Variants in SCAI observed in about 807,000 individuals in gnomAD.
The protein encoded by SCAI is suppressor of cancer cell invasion, also known as protein SCAI.
Under a neutral mutation model 92.2 loss-of-function variants are expected in SCAI, and 24 were observed. That is an observed-to-expected ratio of 0.26 (90% confidence interval 0.19 to 0.37). The LOEUF (loss-of-function observed/expected upper bound fraction) is 0.37. Among genes scored for constraint, SCAI ranks in the 10% least tolerant of loss-of-function variants. The probability of loss-of-function intolerance (pLI) is 1.00; values close to 1 mark genes in which losing one functional copy is unlikely to be tolerated. For missense variants in SCAI, 450 were observed against 736.2 expected (o/e 0.61, Z 4.50); for synonymous variants, 261 against 258.6 (o/e 1.01, Z -0.09).
intron 3 of SCAI, among the ~76,000 whole-genome samples, chr9:125,042,724 G>A (rs964825746): frequency 1.6e-4 from 24 of 150,448 alleles, no homozygotes; most frequent in Non-Finnish European, 3.1e-4. Context: ...CCAGTAAGCT[G>A]TAGAGCTATG....
chr9:125,126,141 C>A (rs971461814), intron 2 of SCAI, among the ~76,000 whole-genome samples: 8 of 152,196 alleles, frequency 5.3e-5, no homozygotes, highest in African/African-American at 9.6e-5. Flanking sequence ...TATAGTCATC[C>A]TCAAGGCTCA....
intron 2 of SCAI, among the ~76,000 whole-genome samples, chr9:125,136,857 T>C (rs1303429351): frequency 1.3e-5 from 2 of 151,030 alleles, no homozygotes; most frequent in Non-Finnish European, 1.5e-5. Context: ...TTCTCCCAGG[T>C]TCAAGTGATT....
intron 2 of SCAI, among the ~76,000 whole-genome samples, chr9:125,104,306 C>T (rs1274475310): frequency 1.3e-5 from 2 of 152,146 alleles, no homozygotes; most frequent in East Asian, 1.9e-4. Context: ...AAGATGCATA[C>T]ATGTTTCACG....
chr9:125,016,185 T>A (rs1832755202), intron 9 of SCAI, among the ~76,000 whole-genome samples: 1 of 146,588 alleles, frequency 6.8e-6, no homozygotes, highest in Non-Finnish European at 1.5e-5. Flanking sequence ...TATAATAAAA[T>A]AAAATAAAAT....
At chr9:125,106,494 A>C (rs1834803532) in intron 2 of SCAI, among the ~76,000 whole-genome samples, 1 of 152,062 alleles carries the variant, frequency 6.6e-6, no homozygotes, top group Non-Finnish European at 1.5e-5. Flanking sequence ...CTTTATAGAA[A>C]GAGACCTTCA....
intron 3 of SCAI, among the ~76,000 whole-genome samples, chr9:125,046,703 TTAA>T (rs1833451477): frequency 8.0e-6 from 1 of 124,558 alleles, no homozygotes. Flanking sequence ...CTACTGAAAT[TTAA>T]AAAAAAAAAA....
chr9:125,003,600 T>C (rs1470146434), intron 9 of SCAI, 30 bp from the exon 10 acceptor site: 4 of 1,373,866 alleles, frequency 2.9e-6, no homozygotes, highest in Non-Finnish European at 4.1e-6. Context: ...AAACACAACC[T>C]AGCCTTAATG....
At chr9:124,978,387 G>A (rs895862720) in intron 14 of SCAI, among the ~76,000 whole-genome samples, 9 of 152,206 alleles carry the variant, frequency 5.9e-5, no homozygotes, top group Non-Finnish European at 7.3e-5. Flanking sequence ...GCTGCAGGGA[G>A]CCAAGATCGC....
intron 6 of SCAI, among the ~76,000 whole-genome samples, chr9:125,025,103 G>A (rs940315432): frequency 6.6e-6 from 1 of 152,162 alleles, no homozygotes; most frequent in South Asian, 2.1e-4. Context: ...AGCAGCTGTT[G>A]CTGATTGCAA....
At chr9:125,029,978 T>C (rs1305733840) in intron 3 of SCAI, among the ~76,000 whole-genome samples, 1 of 152,214 alleles carries the variant, frequency 6.6e-6, no homozygotes, top group Non-Finnish European at 1.5e-5. Flanking sequence ...CAGATGCTTC[T>C]CCCATGAGGT....
At chr9:124,983,078 G>C (rs1285571473) in intron 14 of SCAI, among the ~76,000 whole-genome samples, 3 of 151,504 alleles carry the variant, frequency 2.0e-5, no homozygotes, top group African/African-American at 7.3e-5. Context: ...CTTGAGCCCA[G>C]GAGTATGAGG....
chr9:124,975,527 A>G lies in SCAI; in HGVS notation c.1399+587T>C, dbSNP rs548809055. 4.2e-5 allele frequency: 11 copies of G among 259,896 alleles called. No homozygotes were observed. In the East Asian group the frequency reaches 1.2e-3, roughly 29 times the overall value. 16.1% of individuals were successfully genotyped at this position (259,896 alleles called of 1,614,324 possible). On this transcript the variant is annotated intron_variant, in intron 15 of 17. Transcript: ENST00000336505. ...GTCACTAATTAAAGACAAATTATTA[A>G]GGACAAAAAGTCTTTTGATTCTCAG...
At chr9:125,030,174 A>G (rs970158152) in intron 3 of SCAI, among the ~76,000 whole-genome samples, 3 of 152,168 alleles carry the variant, frequency 2.0e-5, no homozygotes, top group Admixed American at 6.6e-5. Context: ...TCCTCTCCCT[A>G]TAAGATAAAT....
At chr9:125,051,089 C>T (rs1833552023) in intron 3 of SCAI, among the ~76,000 whole-genome samples, 1 of 152,114 alleles carries the variant, frequency 6.6e-6, no homozygotes, top group Admixed American at 6.5e-5. Context: ...GTGGTGTGAT[C>T]GCAGCTCACT....
intron 14 of SCAI, among the ~76,000 whole-genome samples, chr9:124,986,548 C>T (rs949122046): frequency 6.6e-6 from 1 of 152,098 alleles, no homozygotes; most frequent in Non-Finnish European, 1.5e-5. Flanking sequence ...GTGTGAATGT[C>T]TAATACACAT....
intron 6 of SCAI, 69 bp downstream of exon 6, chr9:125,026,743 C>T (rs1172506508): frequency 1.2e-6 from 1 of 822,530 alleles, no homozygotes; most frequent in Non-Finnish European, 1.9e-6. Flanking sequence ...TGCTTTTCCA[C>T]ACAATTTCTA....
chr9:125,115,477 C>T (rs1835026288), intron 2 of SCAI, among the ~76,000 whole-genome samples: 1 of 151,820 alleles, frequency 6.6e-6, no homozygotes, highest in Admixed American at 6.6e-5. Context: ...AACCAACTGC[C>T]CACAGATAGA....
chr9:125,010,577 C>T (rs1198867478), intron 9 of SCAI, among the ~76,000 whole-genome samples: 1 of 152,202 alleles, frequency 6.6e-6, no homozygotes, highest in Admixed American at 6.5e-5. Context: ...ACCTGCCTGC[C>T]TCTGTAGGCT....
chr9:125,043,098 C>T (rs1402642239), intron 3 of SCAI, among the ~76,000 whole-genome samples: 3 of 151,926 alleles, frequency 2.0e-5, no homozygotes, highest in African/African-American at 4.8e-5. Context: ...GAACTCCTGA[C>T]GTCAAGTGAT....
Sources: gnomAD v4.1 joint callset for allele counts (sites outside exome capture counted in the v4.1 genomes callset) on GRCh38, gnomAD v4.1.1 for gene constraint, MANE v1.5 for transcripts, NCBI Gene and HGNC (gene_info 2026-07-23, HGNC 2026-07-21) for gene names.